Variants in DIAPH2 observed in about 807,000 individuals in gnomAD.
DIAPH2 encodes diaphanous related formin 2, also known as protein diaphanous homolog 2.
In DIAPH2, 35 loss-of-function variants were observed where a neutral mutation model predicts 92.7. The observed-to-expected ratio is 0.38, with a 90% CI of 0.29 to 0.50. The LOEUF is 0.50. Among genes scored for constraint, DIAPH2 ranks in the 20% least tolerant of loss-of-function variants. The probability of loss-of-function intolerance (pLI) is 0.94; values close to 1 mark genes in which losing one functional copy is unlikely to be tolerated. For synonymous variants in DIAPH2, 301 were observed against 280.4 expected (o/e 1.07, Z -0.73); for missense variants, 701 against 819.5 (o/e 0.86, Z 1.77).
intron 22 of DIAPH2, among the ~76,000 whole-genome samples, chrX:97,189,929 C>T (rs2067638753): frequency 8.9e-6 from 1 of 112,911 alleles, no homozygotes; most frequent in Non-Finnish European, 1.9e-5. Flanking sequence ...TCTGGGCACT[C>T]TTACTTGGCT....
chrX:96,987,174 A>G (rs773792974), intron 17 of DIAPH2, among the ~76,000 whole-genome samples: 3 of 111,490 alleles, frequency 2.7e-5, no homozygotes, highest in East Asian at 5.6e-4. Context: ...TGTTTCACAA[A>G]TCTTATATCA....
chrX:96,921,416 T>C (rs1364220574), intron 9 of DIAPH2, among the ~76,000 whole-genome samples: 1 of 111,976 alleles, frequency 8.9e-6, no homozygotes, highest in African/African-American at 3.2e-5. Flanking sequence ...CAGCAGCTTC[T>C]TTTGATCTGA....
At chrX:97,350,451 C>G (rs762463585) in intron 24 of DIAPH2, among the ~76,000 whole-genome samples, 9 of 111,281 alleles carry the variant, frequency 8.1e-5, no homozygotes, top group Non-Finnish European at 1.3e-4. Context: ...ACTTGCCCCC[C>G]CATGTTGCAG....
chrX:96,857,088 A>G (rs1306532922), intron 4 of DIAPH2, among the ~76,000 whole-genome samples: 1 of 110,978 alleles, frequency 9.0e-6, no homozygotes, highest in Non-Finnish European at 1.9e-5. Context: ...TGATATTACT[A>G]ATGTTATGAA....
intron 1 of DIAPH2, among the ~76,000 whole-genome samples, chrX:96,701,044 A>C (rs192040531): frequency 8.9e-6 from 1 of 111,802 alleles, no homozygotes; most frequent in African/African-American, 3.2e-5. Context: ...TTCTGTTCTC[A>C]GTGAATCCTA....
intron 20 of DIAPH2, among the ~76,000 whole-genome samples, chrX:97,106,729 C>T (rs972787051): frequency 1.1e-4 from 12 of 110,306 alleles, no homozygotes; most frequent in African/African-American, 4.0e-4. Context: ...ATCAGGAGTT[C>T]GAGACCAGCC....
At chrX:97,215,081 C>T (rs2067872898) in intron 22 of DIAPH2, among the ~76,000 whole-genome samples, 1 of 110,794 alleles carries the variant, frequency 9.0e-6, no homozygotes, top group South Asian at 3.9e-4. Flanking sequence ...TTATATATAG[C>T]ATGCAATCTA....
intron 22 of DIAPH2, among the ~76,000 whole-genome samples, chrX:97,146,141 T>C (rs1330086380): frequency 2.8e-5 from 3 of 108,054 alleles, no homozygotes; most frequent in Non-Finnish European, 5.7e-5. Flanking sequence ...TACTTTTCCT[T>C]GGTATTTGAG....
At chrX:97,048,011 G>A (rs1480983028) in intron 17 of DIAPH2, among the ~76,000 whole-genome samples, 1 of 110,204 alleles carries the variant, frequency 9.1e-6, no homozygotes, top group Admixed American at 9.7e-5. Context: ...AGCAAGACCA[G>A]GAAAACAGCA....
At chrX:97,183,244 A>T (rs2067554977) in intron 22 of DIAPH2, among the ~76,000 whole-genome samples, 1 of 111,261 alleles carries the variant, frequency 9.0e-6, no homozygotes, top group South Asian at 3.8e-4. Flanking sequence ...TCTTCCCGGG[A>T]TGATTTTTGG....
intron 22 of DIAPH2, among the ~76,000 whole-genome samples, chrX:97,149,133 C>T (rs1373909746): frequency 9.0e-6 from 1 of 111,366 alleles, no homozygotes; most frequent in Non-Finnish European, 1.9e-5. Flanking sequence ...TTTTAGTAAT[C>T]TATTAAAGAA....
intron 23 of DIAPH2, among the ~76,000 whole-genome samples, chrX:97,306,444 G>A (rs749062495): frequency 9.0e-6 from 1 of 111,276 alleles, no homozygotes; most frequent in South Asian, 3.9e-4. Flanking sequence ...CTGTATCACT[G>A]CTCTTTTTCA....
chrX:97,528,301 T>G (rs2071036898), intron 26 of DIAPH2: 1 of 112,389 alleles, frequency 8.9e-6, no homozygotes, highest in Non-Finnish European at 1.9e-5. Context: ...GTTATTTGTT[T>G]TTTTGTCTTC....
chrX:97,504,837 A>T, intron 26 of DIAPH2, among the ~76,000 whole-genome samples: 1 of 112,321 alleles, frequency 8.9e-6, no homozygotes, highest in East Asian at 2.8e-4. Flanking sequence ...TTCAGAGATG[A>T]GTGTGTTCCC....
intron 24 of DIAPH2, among the ~76,000 whole-genome samples, chrX:97,365,223 A>T (rs2069368852): frequency 9.0e-6 from 1 of 111,212 alleles, no homozygotes; most frequent in South Asian, 3.9e-4. Context: ...AAGAAAAAAA[A>T]ATCTTACTTT....
At chrX:96,722,115 G>T (rs1602453677) in intron 1 of DIAPH2, among the ~76,000 whole-genome samples, 1 of 111,640 alleles carries the variant, frequency 9.0e-6, no homozygotes, top group Non-Finnish European at 1.9e-5. Context: ...CAGCACTTTG[G>T]GAGGCCAAGG....
intron 24 of DIAPH2, among the ~76,000 whole-genome samples, chrX:97,350,070 G>A (rs1466893186): frequency 9.0e-6 from 1 of 110,605 alleles, no homozygotes; most frequent in East Asian, 2.8e-4. Context: ...AGCACTTTGG[G>A]AGGCCGAGGC....
intron 4 of DIAPH2, among the ~76,000 whole-genome samples, chrX:96,802,785 A>C (rs1178000799): frequency 9.0e-6 from 1 of 111,588 alleles, no homozygotes; most frequent in African/African-American, 3.3e-5. Context: ...GGCCATCTGC[A>C]AGCTGAGGGG....
intron 23 of DIAPH2, among the ~76,000 whole-genome samples, chrX:97,282,891 G>A (rs926461702): frequency 2.7e-5 from 3 of 111,507 alleles, no homozygotes; most frequent in Admixed American, 9.6e-5. Flanking sequence ...GCATCATGAT[G>A]TACATAGCAA....
Sources: gnomAD v4.1 joint callset for allele counts (sites outside exome capture counted in the v4.1 genomes callset) on GRCh38, gnomAD v4.1.1 for gene constraint, MANE v1.5 for transcripts, NCBI Gene and HGNC (gene_info 2026-07-23, HGNC 2026-07-21) for gene names.